HAO1: variants seen among roughly 807,000 people sequenced by gnomAD.
HAO1 encodes the protein hydroxyacid oxidase 1, also known as 2-Hydroxyacid oxidase 1.
HAO1 carries 34 observed loss-of-function variants against 39.7 expected under a neutral mutation model. The observed-to-expected ratio is 0.86, with a 90% CI of 0.65 to 1.14. HAO1 has a LOEUF of 1.14. Among genes scored for constraint, HAO1 ranks in the 50% most tolerant of loss-of-function variants. HAO1 has a pLI of 0.00. For synonymous variants in HAO1, 172 were observed against 173.2 expected (o/e 0.99, Z 0.05); for missense variants, 479 against 464.5 (o/e 1.03, Z -0.29).
At chr20:7,939,997 C>A (rs987841191) in intron 1 of HAO1, among the ~76,000 whole-genome samples, 18 of 152,078 alleles carry the variant, frequency 1.2e-4, no homozygotes, top group African/African-American at 4.3e-4. Context: ...AAAAGTCATC[C>A]GAATTTATCG....
At chr20:7,939,020 T>G (rs2050427274) in intron 1 of HAO1, among the ~76,000 whole-genome samples, 1 of 152,202 alleles carries the variant, frequency 6.6e-6, no homozygotes, top group African/African-American at 2.4e-5. Context: ...TGGGTTAAAG[T>G]GTTTTCAAGA....
intron 2 of HAO1, among the ~76,000 whole-genome samples, chr20:7,932,636 T>A (rs1394679964): frequency 6.6e-6 from 1 of 152,210 alleles, no homozygotes; most frequent in Non-Finnish European, 1.5e-5. Context: ...CTCACAATTT[T>A]AAATTAAAAT....
chr20:7,926,182 C>G (rs755997527), intron 2 of HAO1, among the ~76,000 whole-genome samples: 1 of 152,096 alleles, frequency 6.6e-6, no homozygotes, highest in Non-Finnish European at 1.5e-5. Context: ...TAGGTTCAAA[C>G]CCCATCACCA....
intron 3 of HAO1, among the ~76,000 whole-genome samples, chr20:7,910,027 C>T (rs981739829): frequency 6.6e-6 from 1 of 152,172 alleles, no homozygotes; most frequent in Non-Finnish European, 1.5e-5. Context: ...CAGCCTCTTA[C>T]TAGTTATGTT....
At chr20:7,906,398 T>C in intron 3 of HAO1, 69 bp from the exon 4 acceptor site, 2 of 857,108 alleles carry the variant, frequency 2.3e-6, no homozygotes, top group Non-Finnish European at 3.9e-6. Flanking sequence ...ATTCATTCAA[T>C]GAAAAATGTT....
intron 5 of HAO1, among the ~76,000 whole-genome samples, chr20:7,891,982 T>G (rs2122752867): frequency 6.6e-6 from 1 of 152,328 alleles, no homozygotes; most frequent in Admixed American, 6.5e-5. Flanking sequence ...TCTGTTTACC[T>G]GCAACCAACA....
intron 1 of HAO1, among the ~76,000 whole-genome samples, chr20:7,935,233 T>C (rs74851076): frequency 0.013 from 1,991 of 152,332 alleles, 38 homozygotes; most frequent in African/African-American, 0.043. Context: ...ACAGGGGTAC[T>C]ATCATTTGTC....
Position 7,914,435 on chromosome 20 carries a change from G to C in HAO1, c.290-16C>G. 6.2e-7 allele frequency: 1 copy of C among 1,610,502 alleles called. No homozygotes were observed. Among genetic ancestry groups the C allele is most frequent in the Non-Finnish European group, 8.5e-7 (1 of 1,177,818 alleles). ...GACTGACAGGCTGAGAAAGAAAGGG[G>C]ATGATCAAGATGGGCCTGGCATTGC... On this transcript the variant is annotated splice_polypyrimidine_tract_variant and intron_variant, in intron 2 of 7. Transcript: ENST00000378789.
intron 1 of HAO1, among the ~76,000 whole-genome samples, chr20:7,936,548 T>TGTGTGTGTGTGCG (rs1555775557): frequency 3.9e-5 from 2 of 50,724 alleles, no homozygotes; most frequent in African/African-American, 5.8e-5. Context: ...GTGTGTGTGT[T>TGTGTGTGTGTGCG]CGCGCGCGCG....
At chr20:7,907,599 C>T (rs1016626976) in intron 3 of HAO1, among the ~76,000 whole-genome samples, 2 of 152,154 alleles carry the variant, frequency 1.3e-5, no homozygotes, top group South Asian at 4.1e-4. Flanking sequence ...AGAACCCAAC[C>T]TGAGACAAAG....
Position 7,914,301 on chromosome 20 carries a change from G to T in HAO1, c.408C>A (p.Asp136Glu), listed in dbSNP as rs1301651539. ...LRWLQLYIYK[D>E]REVTKKLVRQ... is the part of the protein sequence containing the mutation. ...GCACTAGCTTCTTGGTGACTTCTCGGTCCTTGTAGATATACAGTTGCAGCC... is the reference window on the plus strand; with the variant it reads ...GCACTAGCTTCTTGGTGACTTCTCGTTCCTTGTAGATATACAGTTGCAGCC... The change falls in exon 3 of 8, where the codon GAC (aspartate) becomes GAA (glutamate). Residue 136 changes from aspartate to glutamate, a missense_variant. Transcript: ENST00000378789. The T allele has an allele frequency of 6.2e-7, 1 of 1,613,866 alleles. No homozygotes were observed. The highest frequency in any genetic ancestry group is 8.5e-7 in the Non-Finnish European group (1 of 1,179,978).
At chr20:7,911,387 T>C (rs2050278795) in intron 3 of HAO1, among the ~76,000 whole-genome samples, 1 of 152,192 alleles carries the variant, frequency 6.6e-6, no homozygotes, top group Admixed American at 6.5e-5. Context: ...TTACTTTTCT[T>C]CTCTTTAAAC....
intron 5 of HAO1, among the ~76,000 whole-genome samples, chr20:7,894,088 C>T (rs1036579464): frequency 6.6e-6 from 1 of 152,186 alleles, no homozygotes; most frequent in Non-Finnish European, 1.5e-5. Context: ...GCCAAATCCC[C>T]ACAAGTGGAC....
intron 4 of HAO1, among the ~76,000 whole-genome samples, chr20:7,904,751 TATG>T (rs1175874616): frequency 6.6e-6 from 1 of 152,220 alleles, no homozygotes; most frequent in African/African-American, 2.4e-5. Context: ...ACACAGTAGT[TATG>T]ATATTTATGG....
chr20:7,897,854 A>C (rs2050204610), intron 4 of HAO1, among the ~76,000 whole-genome samples: 1 of 152,292 alleles, frequency 6.6e-6, no homozygotes, highest in South Asian at 2.1e-4. Context: ...TTTAAGGAAG[A>C]AAGATTGAGG....
intron 5 of HAO1, among the ~76,000 whole-genome samples, chr20:7,894,863 G>C (rs1367755650): frequency 6.6e-6 from 1 of 152,146 alleles, no homozygotes; most frequent in Non-Finnish European, 1.5e-5. Context: ...ATGAATGCCA[G>C]AATAATCCTT....
At chr20:7,897,666 C>T (rs1436876550) in intron 4 of HAO1, among the ~76,000 whole-genome samples, 1 of 152,032 alleles carries the variant, frequency 6.6e-6, no homozygotes, top group Admixed American at 6.6e-5. Context: ...CTTTTCATGG[C>T]AGACTCTTCC....
In HAO1 at chr20:7,915,597, ATAGAG is replaced by A. The variant is rs1206615372; in HGVS notation, c.290-1183_290-1179del. Reference sequence around the variant, plus strand: ...AGGTGTTTTAGAGATAAAGATAGAGATAGAGAGATAGACTTATGTATGTATCTATC... The same window carrying A: ...AGGTGTTTTAGAGATAAAGATAGAGAAGATAGACTTATGTATGTATCTATC... On this transcript the variant is annotated intron_variant, in intron 2 of 7. Transcript: ENST00000378789. Among the ~76,000 whole-genome samples, 93 of 152,334 alleles carry A rather than the reference ATAGAG, an allele frequency of 6.1e-4. 1 individual carries two copies. The highest frequency in any genetic ancestry group is 2.1e-3 in the African/African-American group (86 of 41,590).
intron 2 of HAO1, among the ~76,000 whole-genome samples, chr20:7,933,696 C>G (rs980165952): frequency 1.3e-5 from 2 of 152,178 alleles, no homozygotes; most frequent in Admixed American, 6.5e-5. Context: ...TCTTTTTCTG[C>G]TCTGCTTAGC....
Sources: allele counts gnomAD v4.1 joint callset (sites outside exome capture counted in the v4.1 genomes callset), GRCh38; gene constraint gnomAD v4.1.1; transcripts MANE v1.5; gene names NCBI Gene and HGNC (gene_info 2026-07-23, HGNC 2026-07-21).